Variants in TESMIN observed in about 807,000 individuals in gnomAD.
TESMIN encodes the protein testis expressed metallothionein like protein.
Under a neutral mutation model 47.4 loss-of-function variants are expected in TESMIN, and 34 were observed. The ratio of observed to expected loss-of-function variants is 0.72; its 90% CI spans 0.55 to 0.96. TESMIN has a LOEUF of 0.96. TESMIN is among the 40% of genes least tolerant of loss of function. The pLI is 0.00. For missense variants in TESMIN, 610 were observed against 637.2 expected (o/e 0.96, Z 0.46); for synonymous variants, 278 against 258.9 (o/e 1.07, Z -0.71).
downstream of TESMIN, among the ~76,000 whole-genome samples, chr11:68,704,898 A>G (rs1041192437): frequency 1.3e-5 from 2 of 152,246 alleles, no homozygotes; most frequent in African/African-American, 4.8e-5. Context: ...AGTCATTTTT[A>G]AATATATGAA....
chr11:68,743,232 T>C (rs1946479681), intron 4 of TESMIN, among the ~76,000 whole-genome samples: 1 of 146,566 alleles, frequency 6.8e-6, no homozygotes. Flanking sequence ...CCACAGGAAC[T>C]ACTTTTTTTT....
At chr11:68,708,586 G>C in intron 9 of TESMIN, 86 bp from the exon 10 acceptor site, 1 of 1,195,274 alleles carries the variant, frequency 8.4e-7, no homozygotes, top group Non-Finnish European at 1.1e-6. Context: ...AACATTGCTT[G>C]TCCATGCTAT....
intron 7 of TESMIN, among the ~76,000 whole-genome samples, chr11:68,713,743 C>T (rs1191092864): frequency 6.6e-6 from 1 of 152,150 alleles, no homozygotes; most frequent in Non-Finnish European, 1.5e-5. Flanking sequence ...GCCCTCTTTC[C>T]TAAGATGGTT....
Position 68,713,264 on chromosome 11 carries a change from A to G in TESMIN, c.1158+6T>C. ...TTGTTAGTGAGTTAGGGAGCTGGGCACTAACCTCATAGCACTCGCAGTAAT... is the reference window on the plus strand; with the variant it reads ...TTGTTAGTGAGTTAGGGAGCTGGGCGCTAACCTCATAGCACTCGCAGTAAT... On this transcript the variant is annotated splice_donor_region_variant and intron_variant, in intron 8 of 9. Coordinates refer to ENST00000255087, the MANE Select transcript of TESMIN (RefSeq NM_004923.3). 1 of 1,613,638 alleles carries G rather than the reference A, an allele frequency of 6.2e-7. No homozygotes were observed. Among genetic ancestry groups the G allele is most frequent in the Non-Finnish European group, 8.5e-7 (1 of 1,179,674 alleles).
At chr11:68,735,459 C>T (rs564973246) in intron 6 of TESMIN, among the ~76,000 whole-genome samples, 11 of 152,234 alleles carry the variant, frequency 7.2e-5, no homozygotes, top group South Asian at 4.2e-4. Flanking sequence ...AGGAGGAGGC[C>T]GGCAGGCATT....
At chr11:68,738,632 C>G (rs753166127) in intron 6 of TESMIN, 68 bp downstream of exon 6, 1 of 1,596,710 alleles carries the variant, frequency 6.3e-7, no homozygotes. Flanking sequence ...AGAAGAAAAT[C>G]GTGAACGTAT....
In TESMIN at chr11:68,747,214, G is replaced by A; in HGVS notation, c.624C>T (p.Asn208=). The A allele has an allele frequency of 6.2e-7, 1 of 1,613,936 alleles. No individual in the cohort carries two copies. Among genetic ancestry groups the A allele is most frequent in the South Asian group, 1.1e-5 (1 of 91,074 alleles). ...TCTTCTTTAGCATAATTACCATTGGGTTGGAATCTTTCTTAAGAGAACAGC... is the reference window on the plus strand; with the variant it reads ...TCTTCTTTAGCATAATTACCATTGGATTGGAATCTTTCTTAAGAGAACAGC... ...ASCCSLKKDS[N]PMVICQLKGG... is the part of the protein sequence containing the mutation. Residue 208 remains asparagine (N), a synonymous_variant, in exon 3 of 10, where the codon AAC becomes AAT. Transcript: ENST00000255087.
At chr11:68,719,496 A>G (rs1384084960) in intron 6 of TESMIN, among the ~76,000 whole-genome samples, 1 of 152,218 alleles carries the variant, frequency 6.6e-6, no homozygotes, top group African/African-American at 2.4e-5. Flanking sequence ...CACATTTCCC[A>G]CAGTACAAAA....
At chr11:68,748,067 C>A (rs191063943) in intron 2 of TESMIN, among the ~76,000 whole-genome samples, 1 of 152,212 alleles carries the variant, frequency 6.6e-6, no homozygotes, top group Non-Finnish European at 1.5e-5. Context: ...TACACTTGCC[C>A]GAGCTGCCTG....
At position 68,708,453 on chromosome 11, in the gene TESMIN, G is replaced by A. The variant is rs1237774586; in HGVS notation, c.1382C>T (p.Ala461Val). The part of the protein sequence containing the change: ...ISWEVVEATC[A>V]CLLAQGEEAE... ...CTCTTCTCCCTGAGCAAGCAGGCAG[G>A]CGCATGTGGCCTCCACCACCTCCCA... The change falls in exon 10 of 10, where the codon GCC (alanine) becomes GTC (valine). Residue 461 changes from alanine to valine, a missense_variant. Transcript: ENST00000255087. 6.2e-7 allele frequency: 1 copy of A among 1,613,908 alleles called. No individual in the cohort carries two copies. Among genetic ancestry groups the A allele is most frequent in the South Asian group, 1.1e-5 (1 of 91,040 alleles).
chr11:68,733,136 G>A (rs928951989), intron 6 of TESMIN, among the ~76,000 whole-genome samples: 1 of 152,178 alleles, frequency 6.6e-6, no homozygotes, highest in African/African-American at 2.4e-5. Context: ...TGTCAAGCAT[G>A]GCAATGAGGT....
At chr11:68,725,638 TTTG>T (rs55687648) in intron 6 of TESMIN, among the ~76,000 whole-genome samples, 90,197 of 151,212 alleles carry the variant, frequency 0.6, 28,445 homozygotes, top group East Asian at 0.78. Flanking sequence ...ATGACAGTTT[TTTG>T]TTGTTGTTGT....
intron 9 of TESMIN, among the ~76,000 whole-genome samples, chr11:68,708,821 C>T (rs537471229): frequency 7.3e-5 from 11 of 151,238 alleles, no homozygotes; most frequent in Admixed American, 2.0e-4. Flanking sequence ...GGCACGATCT[C>T]GGCTCACTGC....
intron 6 of TESMIN, among the ~76,000 whole-genome samples, chr11:68,725,157 C>A (rs1946246048): frequency 6.6e-6 from 1 of 152,034 alleles, no homozygotes; most frequent in Non-Finnish European, 1.5e-5. Flanking sequence ...CAAATCAGAC[C>A]CATGTGTAAT....
intron 4 of TESMIN, among the ~76,000 whole-genome samples, chr11:68,744,048 A>T (rs1946490359): frequency 6.6e-6 from 1 of 152,216 alleles, no homozygotes; most frequent in African/African-American, 2.4e-5. Context: ...ATAGGAGATG[A>T]GGCCAAAGCT....
chr11:68,721,698 T>C lies in TESMIN; in HGVS notation c.918-5759A>G, dbSNP rs553911377. On this transcript the variant is annotated intron_variant, in intron 6 of 9. Coordinates refer to ENST00000255087, the MANE Select transcript of TESMIN (RefSeq NM_004923.3). ...GTCTCTGGAATCTGTGTTTTTTCCT[T>C]CATTGTCACCACCCCTGCCCGGGTT... is the stretch of plus-strand genomic sequence containing the variant. Among the ~76,000 whole-genome samples, 6 of 152,316 alleles carry C rather than the reference T, an allele frequency of 3.9e-5. No homozygotes were observed. In the East Asian group the frequency reaches 1.2e-3, roughly 29 times the overall value.
chr11:68,737,698 G>A (rs1946403325), intron 6 of TESMIN: 1 of 974,332 alleles, frequency 1.0e-6, no homozygotes, highest in Non-Finnish European at 1.2e-6. Flanking sequence ...GATCATCTGA[G>A]GTCAGTATTT....
intron 8 of TESMIN, among the ~76,000 whole-genome samples, chr11:68,712,307 A>C (rs1946082868): frequency 6.6e-6 from 1 of 152,158 alleles, no homozygotes; most frequent in Non-Finnish European, 1.5e-5. Context: ...TCCCATTTCA[A>C]CTGTGCATCT....
rs1946020004 is a variant in TESMIN, at chr11:68,708,280, A to G, written c.*28T>C. 1.3e-6 allele frequency: 2 copies of G among 1,538,310 alleles called. No individual in the cohort carries two copies. The highest frequency in any genetic ancestry group is 4.0e-5 in the Admixed American group (2 of 49,978). On this transcript the variant is annotated 3_prime_UTR_variant, in exon 10 of 10. Transcript: ENST00000255087. ...AACTAGAGATTTCTAGACTAAGACA[A>G]AATCAACATGCATTCACACTTTATA...
Sources: gnomAD v4.1 joint callset for allele counts (sites outside exome capture counted in the v4.1 genomes callset) on GRCh38, gnomAD v4.1.1 for gene constraint, MANE v1.5 for transcripts, NCBI Gene and HGNC (gene_info 2026-07-23, HGNC 2026-07-21) for gene names.